The following DROSHA variants were observed in gnomAD, a reference collection of about 807,000 sequenced individuals.
DROSHA encodes the protein drosha ribonuclease III.
A neutral mutation model predicts 181.9 loss-of-function variants in DROSHA; 56 were observed. The ratio of observed to expected loss-of-function variants is 0.31; its 90% CI spans 0.25 to 0.38. The LOEUF is 0.38. Among genes scored for constraint, DROSHA ranks in the 10% least tolerant of loss-of-function variants. DROSHA has a pLI of 1.00. For synonymous variants in DROSHA, 524 were observed against 591.2 expected, an observed-to-expected ratio of 0.89 and a Z score of 1.65; for missense variants, 1,218 against 1,743.5, an observed-to-expected ratio of 0.70 and a Z score of 5.37.
intron 16 of DROSHA, among the ~76,000 whole-genome samples, chr5:31,478,378 C>T (rs969807070): frequency 1.3e-5 from 2 of 152,238 alleles, no homozygotes; most frequent in East Asian, 1.9e-4. Context: ...CATTCAAAGC[C>T]GTCCTGGGCC....
Position 31,521,218 on chromosome 5 carries a change from TA to T in DROSHA, c.855-4del. On this transcript the variant is annotated splice_region_variant and splice_polypyrimidine_tract_variant and intron_variant, in intron 5 of 35. Transcript: ENST00000344624. ...TGTGTCTCTCCCGTTCTCGCTCTCTTAAAGGAATTAATACACAGAGCTGTTT... is the reference window on the plus strand; with the variant it reads ...TGTGTCTCTCCCGTTCTCGCTCTCTTAAGGAATTAATACACAGAGCTGTTT... 1 of 1,613,528 alleles carries T rather than the reference TA, an allele frequency of 6.2e-7. No individual in the cohort carries two copies. Among genetic ancestry groups the T allele is most frequent in the Non-Finnish European group, 8.5e-7 (1 of 1,179,538 alleles).
At chr5:31,454,211 T>C (rs1207185416) in intron 20 of DROSHA, among the ~76,000 whole-genome samples, 1 of 152,158 alleles carries the variant, frequency 6.6e-6, no homozygotes, top group East Asian at 1.9e-4. Context: ...ACTGAGTGAA[T>C]ACGGGAGGAC....
intron 35 of DROSHA, among the ~76,000 whole-genome samples, chr5:31,405,102 CATGCCTGTA>C (rs1185410891): frequency 6.6e-6 from 1 of 152,190 alleles, no homozygotes; most frequent in African/African-American, 2.4e-5. Context: ...TGCAGTGGCT[CATGCCTGTA>C]ATCCCAGCAC....
rs16901133 is a variant in DROSHA, at chr5:31,426,596, G to T, written c.3217-2125C>A. Among the ~76,000 whole-genome samples the T allele has an allele frequency of 9.5e-3, 1,445 of 152,158 alleles. 19 individuals are homozygous for T. The highest frequency in any genetic ancestry group is 0.033 in the African/African-American group (1,373 of 41,520). On this transcript the variant is annotated intron_variant, in intron 27 of 35. Transcript: ENST00000344624. ...AGATTTTGGCAAATCAGTAGAGAGTGAGAATCAAAAACGGGGCACCAGAAA... is the reference window on the plus strand; with the variant it reads ...AGATTTTGGCAAATCAGTAGAGAGTTAGAATCAAAAACGGGGCACCAGAAA...
intron 29 of DROSHA, chr5:31,421,901 A>ATATATATATATATATATATATGCGCCATT (rs1742746802): frequency 1.6e-5 from 1 of 64,072 alleles, no homozygotes; most frequent in Non-Finnish European, 2.4e-5. Context: ...AAAAATATAT[A>ATATATATATATATATATATATGCGCCATT]TATATAAAAA....
At chr5:31,455,578 G>GA (rs1452543611) in intron 20 of DROSHA, among the ~76,000 whole-genome samples, 1 of 148,944 alleles carries the variant, frequency 6.7e-6, no homozygotes, top group African/African-American at 2.5e-5. Flanking sequence ...TAAAGAAAAA[G>GA]AAAAAATCCT....
intron 10 of DROSHA, 94 bp from the exon 11 acceptor site, chr5:31,504,729 T>C: frequency 7.6e-7 from 1 of 1,308,760 alleles, no homozygotes; most frequent in Non-Finnish European, 1.1e-6. Flanking sequence ...TTTAATGTCA[T>C]GAGCGCTGAA....
chr5:31,413,768 C>T (rs926367143), intron 30 of DROSHA, among the ~76,000 whole-genome samples: 6 of 152,204 alleles, frequency 3.9e-5, no homozygotes, highest in African/African-American at 2.4e-5. Context: ...TCCAGGGAGG[C>T]CTCCTGGAGG....
At chr5:31,525,588 A>T (rs976184626) in intron 5 of DROSHA, among the ~76,000 whole-genome samples, 1 of 152,076 alleles carries the variant, frequency 6.6e-6, no homozygotes, top group African/African-American at 2.4e-5. Flanking sequence ...TTACAAAGAA[A>T]CCAACCAAGA....
chr5:31,494,369 A>T (rs1752730431), intron 12 of DROSHA, among the ~76,000 whole-genome samples: 1 of 152,248 alleles, frequency 6.6e-6, no homozygotes, highest in Admixed American at 6.5e-5. Flanking sequence ...TTTAAACATT[A>T]TCTATTAAGA....
At chr5:31,459,495 C>T (rs139619375) in intron 20 of DROSHA, among the ~76,000 whole-genome samples, 255 of 151,932 alleles carry the variant, frequency 1.7e-3, no homozygotes, top group African/African-American at 5.7e-3. Context: ...AGCAGCACTA[C>T]GCTCCAATTA....
In DROSHA at chr5:31,495,345, T is replaced by C; in HGVS notation, c.1696A>G (p.Asn566Asp). The C allele has an allele frequency of 6.2e-7, 1 of 1,613,920 alleles. No individual in the cohort carries two copies. Among genetic ancestry groups the C allele is most frequent in the Non-Finnish European group, 8.5e-7 (1 of 1,179,848 alleles). ...TAGTGGAAAAGTCTGCCAGCATTGT[T>C]GGTCATAGGACGACAGGGCTTGATG... The part of the protein sequence containing the change: ...EAIKPCRPMT[N>D]NAGRLFHYRI... Residue 566 changes from asparagine (N) to aspartate (D), a missense_variant, in exon 12 of 36, where the codon AAC (asparagine) becomes GAC (aspartate). Around this residue, in one of 8 missense-constraint regions of DROSHA, gnomAD observed 460 missense variants for 774.2 expected, o/e 0.59. Coordinates refer to ENST00000344624, the MANE Select transcript of DROSHA (RefSeq NM_001382508.1).
intron 16 of DROSHA, among the ~76,000 whole-genome samples, chr5:31,478,965 A>G (rs1207012266): frequency 2.0e-5 from 3 of 152,222 alleles, no homozygotes; most frequent in Non-Finnish European, 4.4e-5. Context: ...GACACAGACT[A>G]TTTCTGAAGC....
intron 23 of DROSHA, among the ~76,000 whole-genome samples, chr5:31,439,369 T>C (rs1745276715): frequency 6.6e-6 from 1 of 152,202 alleles, no homozygotes. Context: ...GGCTACCAGA[T>C]CGATTGTCAT....
Position 31,514,113 on chromosome 5 carries a change from T to G in DROSHA, c.1290+875A>C, listed in dbSNP as rs576712938. Among the ~76,000 whole-genome samples the G allele has an allele frequency of 1.3e-5, 2 of 152,246 alleles. No individual in the cohort carries two copies. Among genetic ancestry groups the G allele is most frequent in the African/African-American group, 4.8e-5 (2 of 41,532 alleles). On this transcript the variant is annotated intron_variant, in intron 8 of 35. Transcript: ENST00000344624. The surrounding 1 kb of genome is among the most constrained non-coding windows in gnomAD (Gnocchi z 4.4). ...ATTAAGGGTGACAATGGCTCTCCCT[T>G]TCTGCAAAACTAGCCAATATGCATG...
intron 3 of DROSHA, 78 bp from the exon 4 acceptor site, chr5:31,529,183 C>T (rs1366702712): frequency 1.5e-6 from 2 of 1,295,966 alleles, no homozygotes; most frequent in Non-Finnish European, 2.2e-6. Flanking sequence ...CTGCAATTAC[C>T]ATAACACTAA....
At chr5:31,404,088 T>TC (rs1740365017) in intron 35 of DROSHA, among the ~76,000 whole-genome samples, 1 of 151,868 alleles carries the variant, frequency 6.6e-6, no homozygotes, top group Non-Finnish European at 1.5e-5. Flanking sequence ...TGGCTAATTT[T>TC]TTTTTTTTTT....
intron 23 of DROSHA, 67 bp from the exon 24 acceptor site, chr5:31,437,365 C>G: frequency 8.5e-7 from 1 of 1,178,472 alleles, no homozygotes; most frequent in Admixed American, 2.4e-5. Flanking sequence ...CACCCACCCC[C>G]GCAAGAAAAG....
chr5:31,440,927 C>T (rs1185967917), intron 23 of DROSHA, among the ~76,000 whole-genome samples: 3 of 151,972 alleles, frequency 2.0e-5, no homozygotes, highest in African/African-American at 4.8e-5. Context: ...GAATTGGGTC[C>T]TATCCCCAAG....
Sources: gnomAD v4.1 joint callset for allele counts (sites outside exome capture counted in the v4.1 genomes callset) on GRCh38, gnomAD v4.1.1 for gene constraint, gnomAD v4.1.1 regional missense constraint, Gnocchi (gnomAD v3.1) non-coding constraint, MANE v1.5 for transcripts, NCBI Gene and HGNC (gene_info 2026-07-23, HGNC 2026-07-21) for gene names.